Variants in GSN observed in about 807,000 individuals in gnomAD.
GSN encodes the protein actin-depolymerizing factor.
GSN carries 56 observed loss-of-function variants against 85.7 expected under a neutral mutation model. The ratio of observed to expected loss-of-function variants is 0.65; its 90% CI spans 0.53 to 0.82. The LOEUF (loss-of-function observed/expected upper bound fraction) is 0.82, where lower values mean the gene tolerates loss of function less well. Ranked by LOEUF, GSN falls within the 40% of genes least tolerant of loss-of-function variation. GSN has a pLI of 0.00. For missense variants in GSN, 857 were observed against 979.8 expected, an observed-to-expected ratio of 0.87 and a Z score of 1.67; for synonymous variants, 373 against 399.1, an observed-to-expected ratio of 0.93 and a Z score of 0.78.
intron 2 of GSN, chr9:121,282,291 CT>C: frequency 1.7e-6 from 1 of 601,726 alleles, no homozygotes; most frequent in Non-Finnish European, 3.0e-6. Context: ...TGCCAAAGGG[CT>C]TTGTGACCAG....
chr9:121,319,642 T>A (rs941915975), intron 10 of GSN, among the ~76,000 whole-genome samples: 2 of 151,700 alleles, frequency 1.3e-5, no homozygotes, highest in Admixed American at 6.6e-5. Flanking sequence ...AGAAACTCAC[T>A]GTGAAAATGG....
chr9:121,299,939 C>A lies in GSN; in HGVS notation c.-9-2024C>A. The stretch of plus-strand genomic sequence containing the variant: ...TGTGCGCGCTGTCGCTGCCCGTCCG[C>A]GCGGCCACTGCGTCGCGGGGGGCGT... On this transcript the variant is annotated intron_variant, in intron 2 of 17. Transcript: ENST00000432226. The surrounding 1 kb of genome is among the most constrained non-coding windows in gnomAD (Gnocchi z 4.2). 7.9e-7 allele frequency: 1 copy of A among 1,261,856 alleles called. No individual in the cohort carries two copies. Among genetic ancestry groups the A allele is most frequent in the South Asian group, 3.7e-5 (1 of 27,390 alleles). The allele number at this position is 1,261,856 out of a possible 1,614,324, so 78.2% of individuals were successfully genotyped here. A position where few individuals can be genotyped will look rare whatever the true frequency, so the allele number is the denominator to read the frequency against.
Position 121,327,496 on chromosome 9 carries a change from TGG to T in GSN, c.1762+19_1762+20del, listed in dbSNP as rs895358104. The T allele has an allele frequency of 6.4e-7, 1 of 1,550,392 alleles. No homozygotes were observed. Among genetic ancestry groups the T allele is most frequent in the Non-Finnish European group, 8.7e-7 (1 of 1,146,130 alleles). ...GCAGCGAGCCAGGTAGGAGCCGGGG[TGG>T]GGGGCCTGCTGCTGTCCGGATGCAG... is the stretch of plus-strand genomic sequence containing the variant. On this transcript the variant is annotated intron_variant, in intron 14 of 17. Transcript: ENST00000432226.
At chr9:121,265,834 T>C (rs1284810361), upstream of GSN, 1 of 152,154 alleles carries the variant, frequency 6.6e-6, no homozygotes, top group Non-Finnish European at 1.5e-5. Flanking sequence ...TAGAAAGGAA[T>C]GAAGACAGGA....
chr9:121,262,448 C>T (rs1227125994), intron 6 of GSN, among the ~76,000 whole-genome samples: 2 of 152,202 alleles, frequency 1.3e-5, no homozygotes, highest in Admixed American at 6.5e-5. Context: ...ATAGAGTAAG[C>T]ACTCAGAATG....
intron 4 of GSN, among the ~76,000 whole-genome samples, chr9:121,230,185 GTTTTC>G (rs2054359724): frequency 1.3e-5 from 2 of 152,064 alleles, no homozygotes; most frequent in Non-Finnish European, 2.9e-5. Context: ...AACCTTCTTT[GTTTTC>G]TGGTACCAGA....
upstream of GSN, among the ~76,000 whole-genome samples, chr9:121,203,713 T>G (rs1214242092): frequency 6.6e-6 from 1 of 152,244 alleles, no homozygotes; most frequent in Non-Finnish European, 1.5e-5. Flanking sequence ...TATGCAGTTG[T>G]GCATGTCACT....
At chr9:121,240,985 A>G (rs2054592920) in intron 5 of GSN, among the ~76,000 whole-genome samples, 1 of 152,322 alleles carries the variant, frequency 6.6e-6, no homozygotes, top group African/African-American at 2.4e-5. Flanking sequence ...TGCAGATGGT[A>G]TAATTCCATC....
intron 6 of GSN, among the ~76,000 whole-genome samples, chr9:121,251,020 T>C (rs2054819224): frequency 6.6e-6 from 1 of 151,482 alleles, no homozygotes; most frequent in Admixed American, 6.6e-5. Context: ...GAGTTGGGGT[T>C]TCGCCACATT....
Position 121,329,318 on chromosome 9 carries a change from G to T in GSN, c.1965+3G>T. The T allele has an allele frequency of 6.4e-7, 1 of 1,572,814 alleles. No homozygotes were observed. Among genetic ancestry groups the T allele is most frequent in the Non-Finnish European group, 8.8e-7 (1 of 1,142,338 alleles). ...TGCTTCTGGACACCTGGGACCAGGT[G>T]GGTGAAGGACAGGTGAAGGCTCTCT... On this transcript the variant is annotated splice_donor_region_variant and intron_variant, in intron 16 of 17. Transcript: ENST00000432226. The surrounding 1 kb of genome is among the most constrained non-coding windows in gnomAD (Gnocchi z 4.6).
intron 11 of GSN, among the ~76,000 whole-genome samples, chr9:121,322,456 T>G (rs2062597982): frequency 6.6e-6 from 1 of 152,242 alleles, no homozygotes; most frequent in Non-Finnish European, 1.5e-5. Context: ...TGATGCATAC[T>G]TGGGTTGATT....
intron 14 of GSN, among the ~76,000 whole-genome samples, chr9:121,327,833 A>G (rs533445298): frequency 1.3e-5 from 2 of 152,306 alleles, no homozygotes; most frequent in South Asian, 2.1e-4. Flanking sequence ...TTAGCCGGGC[A>G]TGGTGGCACA....
At chr9:121,226,276 T>G (rs540039961) in intron 4 of GSN, among the ~76,000 whole-genome samples, 1 of 152,372 alleles carries the variant, frequency 6.6e-6, no homozygotes, top group Non-Finnish European at 1.5e-5. Context: ...GGAGAGGCAC[T>G]TTCTCCTTCC....
chr9:121,310,626 C>T, intron 4 of GSN, 58 bp from the exon 5 acceptor site: 1 of 1,552,160 alleles, frequency 6.4e-7, no homozygotes, highest in African/African-American at 1.4e-5. Flanking sequence ...CCCCTTCTTC[C>T]ATATCTGCTT....
chr9:121,323,643 G>T (rs949492909), intron 11 of GSN, among the ~76,000 whole-genome samples: 3 of 152,108 alleles, frequency 2.0e-5, no homozygotes, highest in Non-Finnish European at 4.4e-5. Context: ...GTGCTGGGAT[G>T]ACAGGCATGA....
At chr9:121,310,396 A>G (rs1589044507) in intron 4 of GSN, 1 of 454,688 alleles carries the variant, frequency 2.2e-6, no homozygotes, top group Non-Finnish European at 4.1e-6. Flanking sequence ...GGAGTATGGG[A>G]TTCAAAGGGG....
chr9:121,262,292 C>T (rs1349887287), intron 6 of GSN, among the ~76,000 whole-genome samples: 4 of 152,168 alleles, frequency 2.6e-5, no homozygotes, highest in Non-Finnish European at 4.4e-5. Flanking sequence ...ATTCAAATCC[C>T]AGCTCTACCA....
chr9:121,234,644 G>A (rs1235335469), intron 5 of GSN, among the ~76,000 whole-genome samples: 1 of 152,196 alleles, frequency 6.6e-6, no homozygotes, highest in Non-Finnish European at 1.5e-5. Context: ...CTCAGGCTGT[G>A]GTGCTGGTGG....
At position 121,329,196 on chromosome 9, in the gene GSN, G is replaced by C; in HGVS notation, c.1888-42G>C. Reference sequence around the variant, plus strand: ...GGCAGATAAAGGAAGGCCACCCAGGGGAGGGAAGACATCTCACTGATGCTC... The same window carrying C: ...GGCAGATAAAGGAAGGCCACCCAGGCGAGGGAAGACATCTCACTGATGCTC... On this transcript the variant is annotated intron_variant, in intron 15 of 17. Transcript: ENST00000432226. This position sits in a 1 kb window ranked among gnomAD's most constrained non-coding sequence, Gnocchi z 4.6. 2.0e-6 allele frequency: 3 copies of C among 1,515,722 alleles called. No individual in the cohort carries two copies. The highest frequency in any genetic ancestry group is 2.8e-6 in the Non-Finnish European group (3 of 1,090,636). 93.9% of individuals were successfully genotyped at this position (1,515,722 alleles called of 1,614,324 possible).
Sources: allele counts gnomAD v4.1 joint callset (sites outside exome capture counted in the v4.1 genomes callset), GRCh38; gene constraint gnomAD v4.1.1; non-coding constraint Gnocchi (gnomAD v3.1); transcripts MANE v1.5; gene names NCBI Gene and HGNC (gene_info 2026-07-23, HGNC 2026-07-21).